Variants in UFD1 observed in about 807,000 individuals in gnomAD.
UFD1 encodes the protein ubiquitin recognition factor in ER associated degradation 1, also known as ubiquitin recognition factor in ER-associated degradation protein 1.
UFD1 carries 13 observed loss-of-function variants against 45.9 expected under a neutral mutation model. That is an observed-to-expected ratio of 0.28 (90% CI 0.18 to 0.45). The LOEUF is 0.45. UFD1 is among the 20% of genes least tolerant of loss of function. UFD1 has a pLI of 1.00. For missense variants in UFD1, 218 were observed against 389.2 expected (o/e 0.56, Z 3.70); for synonymous variants, 128 against 139.2 (o/e 0.92, Z 0.56).
chr22:19,458,547 A>T (rs1016484789), intron 6 of UFD1, among the ~76,000 whole-genome samples: 5 of 152,116 alleles, frequency 3.3e-5, no homozygotes, highest in Non-Finnish European at 7.3e-5. Context: ...GGGTTCAAGC[A>T]CTTCTCCTGC....
At position 19,479,040 on chromosome 22, in the gene UFD1, C is replaced by T. The variant is rs540481340; in HGVS notation, c.3+43G>A. ...CCCCGCCGGGCCCTACCTCAGGCCCCGGGCCAAGGCCCAGCCCCCGCCCGC... is the reference window on the plus strand; with the variant it reads ...CCCCGCCGGGCCCTACCTCAGGCCCTGGGCCAAGGCCCAGCCCCCGCCCGC... On this transcript the variant is annotated intron_variant, in intron 1 of 11. Coordinates refer to ENST00000263202, the MANE Select transcript of UFD1 (RefSeq NM_005659.7). 1.6e-5 allele frequency: 25 copies of T among 1,596,932 alleles called. No homozygotes were observed. In the South Asian group the frequency reaches 1.8e-4, roughly 11 times the overall value.
intron 6 of UFD1, among the ~76,000 whole-genome samples, chr22:19,460,100 C>G (rs996746688): frequency 6.6e-6 from 1 of 151,914 alleles, no homozygotes; most frequent in Non-Finnish European, 1.5e-5. Context: ...AAAAAAAAAA[C>G]CTAAGCAGGG....
intron 11 of UFD1, chr22:19,451,487 G>A (rs955163679): frequency 8.5e-5 from 84 of 985,248 alleles, no homozygotes; most frequent in Non-Finnish European, 9.9e-5. Context: ...CCTTCCATCA[G>A]CAGAAAGAGG....
chr22:19,459,589 T>C (rs1032834011), intron 6 of UFD1, among the ~76,000 whole-genome samples: 4 of 152,104 alleles, frequency 2.6e-5, no homozygotes, highest in African/African-American at 9.7e-5. Context: ...CACTCCAGCC[T>C]GGGCAACAGA....
chr22:19,477,446 T>C (rs2089891051), intron 1 of UFD1, among the ~76,000 whole-genome samples: 1 of 152,176 alleles, frequency 6.6e-6, no homozygotes, highest in Non-Finnish European at 1.5e-5. Context: ...TAAAAGGACT[T>C]ATATTTTATG....
chr22:19,475,639 G>T (rs1441463184), intron 1 of UFD1, 37 bp from the exon 2 acceptor site: 1 of 1,611,434 alleles, frequency 6.2e-7, no homozygotes, highest in African/African-American at 1.3e-5. Flanking sequence ...TTAAAACAAA[G>T]GTACATTTCT....
chr22:19,451,686 G>A, intron 11 of UFD1: 1 of 985,462 alleles, frequency 1.0e-6, no homozygotes, highest in South Asian at 4.7e-5. Context: ...GCACTGTTTA[G>A]TATTTATGTG....
intron 11 of UFD1, chr22:19,451,640 T>G (rs1350691482): frequency 1.0e-6 from 1 of 985,334 alleles, no homozygotes; most frequent in Non-Finnish European, 1.2e-6. Context: ...TGCACCTGGC[T>G]CCCCACTAAC....
At chr22:19,476,635 C>T (rs964620673) in intron 1 of UFD1, among the ~76,000 whole-genome samples, 4 of 143,358 alleles carry the variant, frequency 2.8e-5, no homozygotes, top group East Asian at 2.1e-4. Flanking sequence ...CCTGAAACCA[C>T]AGATAATACT....
rs373903531 is a variant in UFD1 at position 19,455,544 on chromosome 22, G to A, written c.767+136C>T. ...ATGTTGTGCTCCACCCCACCAAGGA[G>A]AGCAGCTAAGGGTTTTAGTCCCTTG... On this transcript the variant is annotated intron_variant, in intron 10 of 11. Coordinates refer to ENST00000263202, the MANE Select transcript of UFD1 (RefSeq NM_005659.7). The A allele has an allele frequency of 1.2e-5, 9 of 749,648 alleles. No homozygotes were observed. The African/African-American group carries it at 1.2e-4, about 10-fold the overall frequency. 46.4% of individuals were successfully genotyped at this position (749,648 alleles called of 1,614,324 possible).
Position 19,455,890 on chromosome 22 carries a change from C to T in UFD1, c.679-122G>A, listed in dbSNP as rs866482260. ...TGTGCAGACCCCTTCAGGACTGAAG[C>T]CCTGACTCCTCAACTGCTGGGGTGC... On this transcript the variant is annotated intron_variant, in intron 9 of 11. Transcript: ENST00000263202. 5 of 838,734 alleles carry T rather than the reference C, an allele frequency of 6.0e-6. No individual in the cohort carries two copies. In the Middle Eastern group the frequency reaches 1.3e-3, roughly 215 times the overall value. 52.0% of individuals were successfully genotyped at this position (838,734 alleles called of 1,614,324 possible).
At position 19,471,549 on chromosome 22, in the gene UFD1, C is replaced by G. The variant is rs1038107541; in HGVS notation, c.291+138G>C. The G allele has an allele frequency of 7.6e-6, 10 of 1,316,412 alleles. No homozygotes were observed. The African/African-American group carries it at 1.2e-4, about 16-fold the overall frequency. The allele number at this position is 1,316,412 out of a possible 1,614,324, so 81.5% of individuals were successfully genotyped here. On this transcript the variant is annotated intron_variant, in intron 4 of 11. Coordinates refer to ENST00000263202, the MANE Select transcript of UFD1 (RefSeq NM_005659.7). The stretch of plus-strand genomic sequence containing the variant: ...GTGCACTGCTCTGGATCCCTTCTCT[C>G]TCGCTGGGTCGGCTCAGGCTAAGAC...
intron 9 of UFD1, chr22:19,456,356 A>C (rs1430075250): frequency 1.8e-5 from 11 of 603,738 alleles, no homozygotes; most frequent in Non-Finnish European, 3.2e-5. Context: ...GGTAGGTTAG[A>C]AATTCTTAAA....
intron 1 of UFD1, among the ~76,000 whole-genome samples, chr22:19,475,815 T>A (rs1460599335): frequency 6.6e-6 from 1 of 152,164 alleles, no homozygotes; most frequent in Non-Finnish European, 1.5e-5. Flanking sequence ...ATCCTCAGGA[T>A]CAAGGCCCAA....
intron 4 of UFD1, among the ~76,000 whole-genome samples, chr22:19,469,067 G>A (rs571683988): frequency 5.3e-5 from 8 of 152,164 alleles, no homozygotes; most frequent in Non-Finnish European, 1.0e-4. Context: ...ATGCACTCAC[G>A]CTGACAGCTG....
chr22:19,464,716 AG>A (rs2089789395), intron 6 of UFD1, among the ~76,000 whole-genome samples: 1 of 152,184 alleles, frequency 6.6e-6, no homozygotes, highest in African/African-American at 2.4e-5. Context: ...GGCTCCCAGG[AG>A]GAGAGGTGAG....
intron 6 of UFD1, among the ~76,000 whole-genome samples, chr22:19,460,496 A>G (rs1025595065): frequency 6.6e-6 from 1 of 152,040 alleles, no homozygotes; most frequent in Non-Finnish European, 1.5e-5. Flanking sequence ...TTTTTAAACT[A>G]TGGGACCAAT....
chr22:19,477,308 T>A (rs887701361), intron 1 of UFD1, among the ~76,000 whole-genome samples: 1 of 152,212 alleles, frequency 6.6e-6, no homozygotes. Flanking sequence ...CAATGACAGA[T>A]GAATGAATAA....
intron 10 of UFD1, 132 bp from the exon 11 acceptor site, chr22:19,454,962 T>C: frequency 9.7e-7 from 1 of 1,032,510 alleles, no homozygotes; most frequent in South Asian, 1.7e-5. Context: ...CTTCCTGGCA[T>C]CCTCCCAGGA....
Sources: gnomAD v4.1 joint callset for allele counts (sites outside exome capture counted in the v4.1 genomes callset) on GRCh38, gnomAD v4.1.1 for gene constraint, MANE v1.5 for transcripts, NCBI Gene and HGNC (gene_info 2026-07-23, HGNC 2026-07-21) for gene names.